The following ASCC3 variants were observed in gnomAD, a reference collection of about 807,000 sequenced individuals.
The protein encoded by ASCC3 is activating signal cointegrator 1 complex subunit 3, also known as ASC-1 complex subunit P200.
In ASCC3, 158 loss-of-function variants were observed where a neutral mutation model predicts 256.3. The ratio of observed to expected loss-of-function variants is 0.62; its 90% confidence interval spans 0.54 to 0.70. The LOEUF is 0.70. Among genes scored for constraint, ASCC3 ranks in the 30% least tolerant of loss-of-function variants. The pLI, the probability that ASCC3 is intolerant of heterozygous loss-of-function variation, is 0.00. For missense variants in ASCC3, 2,259 were observed against 2,626.0 expected, an observed-to-expected ratio of 0.86 and a Z score of 3.05; for synonymous variants, 948 against 883.4, an observed-to-expected ratio of 1.07 and a Z score of -1.30.
In ASCC3 at chr6:100,684,729, AG is replaced by A. The variant is rs563891400; in HGVS notation, c.2152-4978del. ...CACTTCCCCTTTAGCAACCTTTTTA[AG>A]GGGGTTGTGAAAGATGAACTAGGAA... On this transcript the variant is annotated intron_variant, in intron 13 of 41. Transcript: ENST00000369162. Among the ~76,000 whole-genome samples, 454 of 151,868 alleles carry A rather than the reference AG, an allele frequency of 3.0e-3. 2 individuals are homozygous for A. Among genetic ancestry groups the A allele is most frequent in the Non-Finnish European group, 4.8e-3 (328 of 67,920 alleles).
intron 4 of ASCC3, among the ~76,000 whole-genome samples, chr6:100,834,204 C>G (rs549999256): frequency 6.6e-6 from 1 of 152,012 alleles, no homozygotes; most frequent in Non-Finnish European, 1.5e-5. Context: ...GTCATTAGGT[C>G]GTAAAATATA....
intron 36 of ASCC3, among the ~76,000 whole-genome samples, chr6:100,546,457 A>G (rs1015165184): frequency 2.6e-5 from 4 of 152,172 alleles, no homozygotes; most frequent in African/African-American, 9.7e-5. Context: ...AGCTAGCCCT[A>G]CATTATTTTT....
At chr6:100,570,285 C>T (rs1160131341) in intron 36 of ASCC3, among the ~76,000 whole-genome samples, 1 of 152,086 alleles carries the variant, frequency 6.6e-6, no homozygotes. Flanking sequence ...CTTTCTCTTG[C>T]CTGACTGCTC....
intron 30 of ASCC3, among the ~76,000 whole-genome samples, chr6:100,608,118 C>T (rs36214354): frequency 4.2e-3 from 97 of 23,328 alleles, no homozygotes; most frequent in Middle Eastern, 0.05. Flanking sequence ...GTATATATAT[C>T]TATATATACA....
chr6:100,582,270 G>T (rs1005320281), intron 36 of ASCC3, among the ~76,000 whole-genome samples: 2 of 151,984 alleles, frequency 1.3e-5, no homozygotes, highest in African/African-American at 4.8e-5. Context: ...ATTGAGCAGT[G>T]GTTTGTAGTT....
At chr6:100,874,697 T>C (rs561511728) in intron 1 of ASCC3, among the ~76,000 whole-genome samples, 9 of 152,158 alleles carry the variant, frequency 5.9e-5, no homozygotes. Context: ...TTGCCCTCAA[T>C]GATGAGCTTA....
At chr6:100,832,604 G>T (rs1222433386) in intron 4 of ASCC3, among the ~76,000 whole-genome samples, 3 of 152,174 alleles carry the variant, frequency 2.0e-5, no homozygotes, top group African/African-American at 7.2e-5. Context: ...CTCAAAAATA[G>T]TAAGATGGAC....
chr6:100,528,349 G>T (rs552631195), intron 37 of ASCC3, among the ~76,000 whole-genome samples: 2 of 152,290 alleles, frequency 1.3e-5, no homozygotes, highest in South Asian at 2.1e-4. Flanking sequence ...TACTTGTAAA[G>T]ATTTGTTTTT....
chr6:100,796,885 T>C (rs1562302749), intron 8 of ASCC3, among the ~76,000 whole-genome samples: 1 of 152,110 alleles, frequency 6.6e-6, no homozygotes, highest in Non-Finnish European at 1.5e-5. Flanking sequence ...AAAACTGTGG[T>C]CATCTACATC....
intron 10 of ASCC3, among the ~76,000 whole-genome samples, chr6:100,727,710 T>C (rs1197058237): frequency 1.3e-5 from 2 of 152,106 alleles, no homozygotes; most frequent in Non-Finnish European, 2.9e-5. Flanking sequence ...TTTATTCATA[T>C]TTTTACTCTA....
At chr6:100,557,307 T>G (rs1021064263) in intron 36 of ASCC3, among the ~76,000 whole-genome samples, 1 of 152,196 alleles carries the variant, frequency 6.6e-6, no homozygotes, top group Admixed American at 6.5e-5. Context: ...TTAAGTATGC[T>G]TTAGCTGGAT....
At chr6:100,665,139 G>C (rs1486945042) in intron 14 of ASCC3, among the ~76,000 whole-genome samples, 1 of 152,110 alleles carries the variant, frequency 6.6e-6, no homozygotes, top group Non-Finnish European at 1.5e-5. Context: ...TACTGACATA[G>C]TACCTCCCAC....
chr6:100,527,988 A>G (rs1423558082), intron 37 of ASCC3, among the ~76,000 whole-genome samples: 1 of 151,220 alleles, frequency 6.6e-6, no homozygotes. Flanking sequence ...GGTGAGTGCC[A>G]CCATGCCCAG....
At chr6:100,874,708 C>T (rs888984498) in intron 1 of ASCC3, among the ~76,000 whole-genome samples, 2 of 151,692 alleles carry the variant, frequency 1.3e-5, no homozygotes, top group Non-Finnish European at 2.9e-5. Flanking sequence ...GATGAGCTTA[C>T]AGTATGGTTG....
At chr6:100,583,268 G>C (rs1344957055) in intron 36 of ASCC3, among the ~76,000 whole-genome samples, 1 of 152,148 alleles carries the variant, frequency 6.6e-6, no homozygotes, top group Non-Finnish European at 1.5e-5. Flanking sequence ...TTCAAATCCT[G>C]TTATTGCTCT....
chr6:100,694,661 G>C, intron 13 of ASCC3, among the ~76,000 whole-genome samples: 1 of 152,158 alleles, frequency 6.6e-6, no homozygotes, highest in East Asian at 1.9e-4. Flanking sequence ...CCAGAAGCTA[G>C]CTTGAAGGGG....
intron 36 of ASCC3, among the ~76,000 whole-genome samples, chr6:100,550,743 GTTCTC>G (rs1345365324): frequency 6.6e-6 from 1 of 151,890 alleles, no homozygotes; most frequent in Non-Finnish European, 1.5e-5. Context: ...TGACTCTACT[GTTCTC>G]TTCTAAACCA....
At chr6:100,530,465 G>A (rs1774811925) in intron 37 of ASCC3, 2 of 806,110 alleles carry the variant, frequency 2.5e-6, no homozygotes, top group East Asian at 4.8e-5. Flanking sequence ...TGGAAAGGAA[G>A]AAGTTAGAAC....
chr6:100,556,775 C>T (rs985172379), intron 36 of ASCC3, among the ~76,000 whole-genome samples: 1 of 151,860 alleles, frequency 6.6e-6, no homozygotes, highest in Non-Finnish European at 1.5e-5. Context: ...AGGAGACTGT[C>T]AGCACAATTG....
Sources: allele counts gnomAD v4.1 joint callset (sites outside exome capture counted in the v4.1 genomes callset), GRCh38; gene constraint gnomAD v4.1.1; transcripts MANE v1.5; gene names NCBI Gene and HGNC (gene_info 2026-07-23, HGNC 2026-07-21).